KIF13A: variants seen among roughly 807,000 people sequenced by gnomAD.
The protein encoded by KIF13A is kinesin family member 13A.
A neutral mutation model predicts 212.2 loss-of-function variants in KIF13A; 79 were observed. That is an observed-to-expected ratio of 0.37 (90% CI 0.31 to 0.45). KIF13A has a LOEUF of 0.45. Ranked by LOEUF, KIF13A falls within the 20% of genes least tolerant of loss-of-function variation. The pLI is 1.00. For synonymous variants in KIF13A, 789 were observed against 808.6 expected, an observed-to-expected ratio of 0.98 and a Z score of 0.41; for missense variants, 1,901 against 2,209.0, an observed-to-expected ratio of 0.86 and a Z score of 2.79.
At chr6:17,908,966 G>T (rs1773781015) in intron 2 of KIF13A, among the ~76,000 whole-genome samples, 1 of 152,166 alleles carries the variant, frequency 6.6e-6, no homozygotes, top group Non-Finnish European at 1.5e-5. Flanking sequence ...TTACTCAACC[G>T]CTGAGTCTCA....
At position 17,805,518 on chromosome 6, in the gene KIF13A, T is replaced by C. The variant is rs1279018298; in HGVS notation, c.2261A>G (p.Asp754Gly). ...TIEKLENKLI[D>G]MRDLYQEWKE... ...CCATTCTTGGTAAAGGTCTCTCATG[T>C]CAATTAATTTATTCTCCAGCTTCTC... is the stretch of plus-strand genomic sequence containing the variant. The change falls in exon 19 of 39, where the codon GAC becomes GGC. Residue 754 changes from aspartate (D) to glycine (G), a missense_variant. Physicochemically the swap from Asp to Gly is moderately conservative, Grantham distance 94 (BLOSUM62 -1). Coordinates refer to ENST00000259711, the MANE Select transcript of KIF13A (RefSeq NM_022113.6). 6.2e-7 allele frequency: 1 copy of C among 1,613,858 alleles called. No individual in the cohort carries two copies.
chr6:17,882,429 A>C (rs1409557180), intron 3 of KIF13A, among the ~76,000 whole-genome samples: 1 of 152,204 alleles, frequency 6.6e-6, no homozygotes, highest in East Asian at 1.9e-4. Context: ...ATTAATATTT[A>C]TTATGTCAAG....
intron 2 of KIF13A, among the ~76,000 whole-genome samples, chr6:17,975,730 C>G (rs1780364225): frequency 2.0e-5 from 3 of 151,982 alleles, no homozygotes. Context: ...AAAGGTTCTC[C>G]ACGTCCTCAT....
intron 2 of KIF13A, among the ~76,000 whole-genome samples, chr6:17,977,135 A>G (rs1780626470): frequency 6.7e-6 from 1 of 149,186 alleles, no homozygotes; most frequent in African/African-American, 2.5e-5. Flanking sequence ...AAAAAAAAAA[A>G]AGAAATGCAC....
intron 25 of KIF13A, among the ~76,000 whole-genome samples, chr6:17,793,760 A>G (rs954417447): frequency 1.3e-5 from 2 of 152,014 alleles, no homozygotes; most frequent in South Asian, 2.1e-4. Flanking sequence ...CAAAAAATAA[A>G]AGAATCAGCT....
At chr6:17,972,833 G>GGAA (rs1561821954) in intron 2 of KIF13A, among the ~76,000 whole-genome samples, 1 of 113,332 alleles carries the variant, frequency 8.8e-6, no homozygotes, top group Non-Finnish European at 1.8e-5. Context: ...GAGAGAGTGA[G>GGAA]AAAAAAAAAA....
rs764798088 is a variant in KIF13A, at chr6:17,850,461, G to A, written c.583-4C>T. The A allele has an allele frequency of 2.5e-6, 4 of 1,610,488 alleles. No homozygotes were observed. The highest frequency in any genetic ancestry group is 1.3e-5 in the African/African-American group (1 of 74,832). ...CAGACATCAATGACTCAATATCCTAGGGGCAAAGCATAAGGAAAAGACCAT... is the reference window on the plus strand; with the variant it reads ...CAGACATCAATGACTCAATATCCTAAGGGCAAAGCATAAGGAAAAGACCAT... On this transcript the variant is annotated splice_polypyrimidine_tract_variant and splice_region_variant and intron_variant, in intron 7 of 38. Transcript: ENST00000259711. The surrounding 1 kb of genome is among the most constrained non-coding windows in gnomAD (Gnocchi z 6.2).
chr6:17,766,482 C>T (rs1444208405), intron 38 of KIF13A, among the ~76,000 whole-genome samples: 2 of 152,098 alleles, frequency 1.3e-5, no homozygotes, highest in Non-Finnish European at 2.9e-5. Flanking sequence ...AGGTGATCTG[C>T]CCGTCTCAGC....
intron 6 of KIF13A, among the ~76,000 whole-genome samples, chr6:17,853,134 C>T (rs897611140): frequency 6.6e-6 from 1 of 152,204 alleles, no homozygotes; most frequent in African/African-American, 2.4e-5. Context: ...TCCCAAAGTC[C>T]TGGCATTGTT....
rs1252489635 is a variant in KIF13A at position 17,836,945 on chromosome 6, T to C, written c.1088A>G (p.Asn363Ser). 5.0e-6 allele frequency: 8 copies of C among 1,613,898 alleles called. No homozygotes were observed. In the East Asian group the frequency reaches 6.7e-5, roughly 13 times the overall value. ...VNHAVVNEDP[N>S]AKVIRELREE... ...CCGCAGTTCTCGGATCACTTTTGCG[T>C]TGGGGTCCTCATTCACAACAGCATG... is the stretch of plus-strand genomic sequence containing the variant. Residue 363 changes from asparagine to serine, a missense_variant, in exon 11 of 39, where the codon AAC (asparagine) becomes AGC (serine). Transcript: ENST00000259711.
rs1203213655 is a variant in KIF13A at position 17,816,441 on chromosome 6, G to A, written c.2000+579C>T. Among the ~76,000 whole-genome samples, 1 of 152,030 alleles carries A rather than the reference G, an allele frequency of 6.6e-6. No homozygotes were observed. ...TGGTCTTAAACTCCTGGGCTCAAGCGATCCTCCCAGTGACCTTATAGGCAT... is the reference window on the plus strand; with the variant it reads ...TGGTCTTAAACTCCTGGGCTCAAGCAATCCTCCCAGTGACCTTATAGGCAT... On this transcript the variant is annotated intron_variant, in intron 17 of 38. Coordinates refer to ENST00000259711, the MANE Select transcript of KIF13A (RefSeq NM_022113.6). This position sits in a 1 kb window ranked among gnomAD's most constrained non-coding sequence, Gnocchi z 4.3.
intron 2 of KIF13A, among the ~76,000 whole-genome samples, chr6:17,921,664 G>T (rs1001774526): frequency 6.6e-6 from 1 of 152,182 alleles, no homozygotes; most frequent in Non-Finnish European, 1.5e-5. Context: ...AATAACTGAT[G>T]AGAATCAAGG....
chr6:17,985,736 T>C (rs914592324), intron 2 of KIF13A, among the ~76,000 whole-genome samples: 1 of 150,966 alleles, frequency 6.6e-6, no homozygotes, highest in African/African-American at 2.4e-5. Flanking sequence ...CCATGAAATA[T>C]GCTATACTAT....
chr6:17,929,182 T>C (rs570025316), intron 2 of KIF13A, among the ~76,000 whole-genome samples: 2 of 151,940 alleles, frequency 1.3e-5, no homozygotes, highest in East Asian at 3.9e-4. Context: ...GAAATTCTTA[T>C]CACCTGGCTT....
At chr6:17,977,342 T>C (rs1180813698) in intron 2 of KIF13A, among the ~76,000 whole-genome samples, 1 of 152,206 alleles carries the variant, frequency 6.6e-6, no homozygotes, top group African/African-American at 2.4e-5. Flanking sequence ...TGTAAGAGAA[T>C]AGTTCACGTT....
chr6:17,828,664 C>G lies in KIF13A; in HGVS notation c.1402-294G>C, dbSNP rs1028343161. 8.5e-5 allele frequency among the ~76,000 whole-genome samples: 13 copies of G among 152,248 alleles called. No homozygotes were observed. Among genetic ancestry groups the G allele is most frequent in the African/African-American group, 2.9e-4 (12 of 41,544 alleles). ...AGAATACTTTGAGTTTCAATTGTGA[C>G]TTGACCACGGGGAAGCCATTTCACT... is the stretch of plus-strand genomic sequence containing the variant. On this transcript the variant is annotated intron_variant, in intron 13 of 38. Coordinates refer to ENST00000259711, the MANE Select transcript of KIF13A (RefSeq NM_022113.6). The surrounding 1 kb of genome is among the most constrained non-coding windows in gnomAD (Gnocchi z 4.3).
intron 2 of KIF13A, among the ~76,000 whole-genome samples, chr6:17,941,789 CTTT>C (rs201442914): frequency 1.4e-5 from 2 of 138,444 alleles, no homozygotes; most frequent in African/African-American, 2.6e-5. Context: ...AATACATTTG[CTTT>C]TTTTTTTTTT....
In KIF13A at chr6:17,843,192, T is replaced by C. The variant is rs993121980; in HGVS notation, c.831-5609A>G. Among the ~76,000 whole-genome samples the C allele has an allele frequency of 2.0e-5, 3 of 152,138 alleles. No homozygotes were observed. The highest frequency in any genetic ancestry group is 7.2e-5 in the African/African-American group (3 of 41,438). ...TTTATGACTGAAAGCACTCAGTAAA[T>C]ATCTGCAGCGTTAATCTGAATCTAG... On this transcript the variant is annotated intron_variant, in intron 9 of 38. Transcript: ENST00000259711. The surrounding 1 kb of genome is among the most constrained non-coding windows in gnomAD (Gnocchi z 5.3).
chr6:17,831,802 C>T (rs1581453236), intron 12 of KIF13A, among the ~76,000 whole-genome samples: 4 of 150,352 alleles, frequency 2.7e-5, no homozygotes, highest in Middle Eastern at 6.8e-3. Context: ...TGGGTCTCTA[C>T]TGCGGAAGGC....
Sources: gnomAD v4.1 joint callset for allele counts (sites outside exome capture counted in the v4.1 genomes callset) on GRCh38, gnomAD v4.1.1 for gene constraint, Gnocchi (gnomAD v3.1) non-coding constraint, MANE v1.5 for transcripts, NCBI Gene and HGNC (gene_info 2026-07-23, HGNC 2026-07-21) for gene names.